The following NBPF9 variants were observed in gnomAD, a reference collection of about 807,000 sequenced individuals.
The protein encoded by NBPF9 is NBPF member 9, also known as NBPF family member NBPF9.
NBPF9 carries 91 observed loss-of-function variants against 97.8 expected under a neutral mutation model. That is an observed-to-expected ratio of 0.93 (90% CI 0.79 to 1.11). The LOEUF (loss-of-function observed/expected upper bound fraction) is 1.11. NBPF9 is among the 50% of genes least tolerant of loss of function. The probability of loss-of-function intolerance (pLI) is 0.00; values close to 1 mark genes in which losing one functional copy is unlikely to be tolerated. For missense variants in NBPF9, 992 were observed against 939.5 expected (o/e 1.06, Z -0.73); for synonymous variants, 334 against 359.5 (o/e 0.93, Z 0.80).
chr1:149,070,242 A>T (rs1474601016), intron 16 of NBPF9, among the ~76,000 whole-genome samples: 1 of 150,458 alleles, frequency 6.6e-6, no homozygotes, highest in Admixed American at 6.6e-5. Context: ...AATCACTTGA[A>T]TCTGGGAGGC....
intron 10 of NBPF9, 103 bp downstream of exon 10, chr1:149,077,780 G>C (rs1391712235): frequency 6.6e-6 from 10 of 1,514,550 alleles, no homozygotes; most frequent in East Asian, 2.3e-5. Flanking sequence ...TGTGGCCAAG[G>C]GGATGCGGGC....
exon 20 of NBPF9, chr1:149,063,770 T>C: frequency 1.6e-6 from 1 of 614,444 alleles, no homozygotes; most frequent in Admixed American, 2.8e-5. Context: ...CTGCAAGACT[T>C]CAGGCCCTTT....
chr1:149,064,017 G>GACAC (rs72022450), intron 19 of NBPF9, among the ~76,000 whole-genome samples: 2,102 of 101,096 alleles, frequency 0.021, 148 homozygotes, highest in African/African-American at 0.076. Context: ...CACAGACACA[G>GACAC]ACACACACAC....
intron 2 of NBPF9, among the ~76,000 whole-genome samples, chr1:149,102,335 G>GA (rs1429805516): frequency 4.0e-5 from 5 of 125,176 alleles, no homozygotes; most frequent in Admixed American, 2.5e-4. Flanking sequence ...TTTCACAACA[G>GA]AAAAAAAGAG....
At chr1:149,069,918 A>C (rs2079270696) in intron 16 of NBPF9, among the ~76,000 whole-genome samples, 1 of 126,804 alleles carries the variant, frequency 7.9e-6, no homozygotes, top group Non-Finnish European at 1.6e-5. Context: ...TCCCCAAAAA[A>C]ATCTCCAAAA....
exon 30 of NBPF9, chr1:149,055,494 G>C (rs78727824): frequency 0.053 from 79,039 of 1,494,904 alleles, 6,003 homozygotes; most frequent in East Asian, 0.48. Flanking sequence ...TTCAGACTGA[G>C]CACAGGTTGC....
intron 26 of NBPF9, 124 bp from the exon 27 acceptor site, chr1:149,058,339 G>GAT: frequency 2.1e-6 from 1 of 485,874 alleles, no homozygotes; most frequent in South Asian, 1.9e-5. Flanking sequence ...CAATGTGACA[G>GAT]ATATACTTCA....
At chr1:149,055,671 G>A (rs1553648628) in exon 30 of NBPF9, 3 of 1,611,760 alleles carry the variant, frequency 1.9e-6, no homozygotes, top group Admixed American at 3.3e-5. Flanking sequence ...GTGGGAATAT[G>A]ACTTCCATCT....
At chr1:149,087,694 AC>A (rs1416755991) in intron 5 of NBPF9, among the ~76,000 whole-genome samples, 492 of 151,116 alleles carry the variant, frequency 3.3e-3, no homozygotes, top group African/African-American at 0.011. Context: ...CGAAGAACTG[AC>A]TTTTTAAACA....
chr1:149,081,602 C>T (rs1348436558), intron 7 of NBPF9, among the ~76,000 whole-genome samples: 11 of 151,754 alleles, frequency 7.2e-5, no homozygotes, highest in African/African-American at 2.4e-4. Context: ...TTCACTAGTC[C>T]TAGACATTTA....
intron 16 of NBPF9, 115 bp downstream of exon 16, chr1:149,070,819 T>G: frequency 6.8e-7 from 1 of 1,471,118 alleles, no homozygotes; most frequent in Non-Finnish European, 9.5e-7. Context: ...GATATCTGTT[T>G]AGAAACCCAT....
Position 149,055,395 on chromosome 1 carries a change from G to A in NBPF9, c.*261C>T, listed in dbSNP as rs587720686. 20 of 651,384 alleles carry A rather than the reference G, an allele frequency of 3.1e-5. 1 individual carries two copies. Among genetic ancestry groups the A allele is most frequent in the East Asian group, 2.8e-4 (9 of 32,524 alleles). The allele number at this position is 651,384 out of a possible 1,614,324, so 40.4% of individuals were successfully genotyped here. On this transcript the variant is annotated 3_prime_UTR_variant, in exon 30 of 30. Transcript: ENST00000584027. ...GAATTTTGTAGCTACCCAGAGATAC[G>A]TGGTTCAAATTAAAATGTCTGACTG... is the stretch of plus-strand genomic sequence containing the variant.
Position 149,062,674 on chromosome 1 carries a change from T to G in NBPF9, c.2078+188A>C, listed in dbSNP as rs4086312. Reference sequence around the variant, plus strand: ...GAGGTATGGTCAACCTATAGTAAGTTAGTAAATGATAAGGGGAGGAAGAAA... The same window carrying G: ...GAGGTATGGTCAACCTATAGTAAGTGAGTAAATGATAAGGGGAGGAAGAAA... On this transcript the variant is annotated intron_variant, in intron 21 of 29. Coordinates refer to ENST00000584027, the Ensembl canonical transcript of NBPF9. 3.2e-3 allele frequency among the ~76,000 whole-genome samples: 479 copies of G among 150,426 alleles called. 2 individuals carry two copies. Among genetic ancestry groups the G allele is most frequent in the Middle Eastern group, 0.014 (4 of 288 alleles).
Position 149,073,893 on chromosome 1 carries a change from G to C in NBPF9, c.989-23C>G, listed in dbSNP as rs781808846. On this transcript the variant is annotated intron_variant, in intron 12 of 29. Transcript: ENST00000584027. ...ACTCTGAGAAAAGACAGACACGCCT[G>C]CCTCAGTGGAAGGCTGGACATGCTG... 1.3e-5 allele frequency: 18 copies of C among 1,421,656 alleles called. 2 individuals carry two copies. In the South Asian group the frequency reaches 1.8e-4, roughly 15 times the overall value. The allele number at this position is 1,421,656 out of a possible 1,614,324, so 88.1% of individuals were successfully genotyped here.
chr1:149,081,963 A>C lies in NBPF9; in HGVS notation c.175+2T>G. The C allele has an allele frequency of 6.4e-7, 1 of 1,568,180 alleles. No individual in the cohort carries two copies. The highest frequency in any genetic ancestry group is 1.1e-5 in the South Asian group (1 of 89,948). On this transcript the variant is annotated splice_donor_variant, in intron 7 of 29. Coordinates refer to ENST00000584027, the Ensembl canonical transcript of NBPF9. LOFTEE classifies it high-confidence loss of function. ...TCATGACGGTGAGCCTATAGATCTT[A>C]CTGTATTTCTTCTGTCGGTTGGCCA...
intron 14 of NBPF9, among the ~76,000 whole-genome samples, chr1:149,071,952 C>T (rs1371358175): frequency 1.3e-4 from 20 of 151,076 alleles, no homozygotes; most frequent in African/African-American, 3.7e-4. Context: ...TCTCTCTGGA[C>T]GTTGGCAGCT....
chr1:149,100,642 A>G (rs587636048), intron 3 of NBPF9, among the ~76,000 whole-genome samples: 13 of 152,080 alleles, frequency 8.5e-5, no homozygotes, highest in African/African-American at 3.1e-4. Context: ...TGTAGTAAAA[A>G]GTGAATCACA....
Position 149,058,925 on chromosome 1 carries a change from T to A in NBPF9, c.2758A>T (p.Arg920Ter), listed in dbSNP as rs1248289652. ...ATCACCTTCATAGTAAGGTACTCAC[T>A]GTCCACGTCAAGAGCCAAGCCAAGG... The change falls in exon 26 of 30, where the codon AGA becomes TGA. Residue 920 changes from arginine to a stop codon, truncating the protein, a stop_gained and splice_region_variant. Transcript: ENST00000584027. LOFTEE classifies it high-confidence loss of function. The A allele has an allele frequency of 2.0e-6, 1 of 511,190 alleles. No individual in the cohort carries two copies. Among genetic ancestry groups the A allele is most frequent in the Non-Finnish European group, 3.5e-6 (1 of 286,542 alleles). The allele number at this position is 511,190 out of a possible 1,614,324, so 31.7% of individuals were successfully genotyped here.
At chr1:149,098,396 C>T (rs1553662412) in intron 4 of NBPF9, 42 bp downstream of exon 4, 13 of 1,210,038 alleles carry the variant, frequency 1.1e-5, no homozygotes, top group Non-Finnish European at 1.4e-5. Context: ...AGAAAAAGGA[C>T]TCTCTGACTC....
Sources: allele counts gnomAD v4.1 joint callset (sites outside exome capture counted in the v4.1 genomes callset), GRCh38; gene constraint gnomAD v4.1.1; transcripts MANE v1.5; gene names NCBI Gene and HGNC (gene_info 2026-07-23, HGNC 2026-07-21).